The following CCSER1 variants were observed in gnomAD, a reference collection of about 807,000 sequenced individuals.
The protein encoded by CCSER1 is serine-rich coiled-coil domain-containing protein 1.
A neutral mutation model predicts 82.0 loss-of-function variants in CCSER1; 41 were observed. The observed-to-expected ratio is 0.50, with a 90% confidence interval of 0.39 to 0.65. The LOEUF is 0.65. Ranked by LOEUF, CCSER1 falls within the 30% of genes least tolerant of loss-of-function variation. The pLI is 0.00. For synonymous variants in CCSER1, 414 were observed against 383.9 expected (o/e 1.08, Z -0.92); for missense variants, 1,119 against 1,064.2 (o/e 1.05, Z -0.72).
intron 10 of CCSER1, among the ~76,000 whole-genome samples, chr4:91,526,951 C>G (rs1477784656): frequency 1.3e-5 from 1 of 78,954 alleles, no homozygotes; most frequent in East Asian, 4.1e-4. Context: ...TTCAGGAAAA[C>G]TCTCCTTTGA....
chr4:91,198,074 T>A (rs1043265560), intron 10 of CCSER1, among the ~76,000 whole-genome samples: 6 of 152,204 alleles, frequency 3.9e-5, no homozygotes, highest in African/African-American at 1.4e-4. Context: ...GCCATTACTT[T>A]TAAATAAGTT....
chr4:91,107,901 G>A (rs887290943), intron 10 of CCSER1: 1 of 151,970 alleles, frequency 6.6e-6, no homozygotes, highest in Non-Finnish European at 1.5e-5. Flanking sequence ...GATTGAGTGA[G>A]GAAAATAAGA....
intron 1 of CCSER1, among the ~76,000 whole-genome samples, chr4:90,128,863 T>C (rs2153306936): frequency 6.6e-6 from 1 of 152,082 alleles, no homozygotes; most frequent in East Asian, 1.9e-4. Flanking sequence ...TGCCTCAGAA[T>C]TAGAAGCAAT....
At chr4:90,989,929 T>C (rs1051924050) in intron 9 of CCSER1, among the ~76,000 whole-genome samples, 3 of 151,770 alleles carry the variant, frequency 2.0e-5, no homozygotes, top group Admixed American at 1.3e-4. Context: ...TCAGAAATTA[T>C]ATGGTTCTAG....
chr4:91,528,661 A>T (rs150731361), intron 10 of CCSER1, among the ~76,000 whole-genome samples: 32 of 152,308 alleles, frequency 2.1e-4, no homozygotes, highest in African/African-American at 7.0e-4. Context: ...AAGAAACTAA[A>T]ATAATAAACA....
chr4:91,306,994 A>C (rs879390780), intron 10 of CCSER1, among the ~76,000 whole-genome samples: 34 of 151,964 alleles, frequency 2.2e-4, no homozygotes, highest in Non-Finnish European at 3.8e-4. Context: ...AAGAGACTAC[A>C]ATTATTCTTG....
intron 10 of CCSER1, among the ~76,000 whole-genome samples, chr4:91,119,854 A>C (rs1479917926): frequency 6.6e-6 from 1 of 152,054 alleles, no homozygotes; most frequent in Non-Finnish European, 1.5e-5. Flanking sequence ...ATATTTTTTA[A>C]AAGAGAATTC....
chr4:90,285,326 A>T (rs1403904058), intron 1 of CCSER1, among the ~76,000 whole-genome samples: 1 of 151,858 alleles, frequency 6.6e-6, no homozygotes, highest in Non-Finnish European at 1.5e-5. Flanking sequence ...TTCTTTCATC[A>T]ATGTTTTATA....
intron 10 of CCSER1, among the ~76,000 whole-genome samples, chr4:91,195,811 C>T (rs897751018): frequency 1.3e-5 from 2 of 152,090 alleles, no homozygotes; most frequent in Non-Finnish European, 2.9e-5. Flanking sequence ...AGTCTTCAGA[C>T]GCCTTTGTTG....
intron 4 of CCSER1, among the ~76,000 whole-genome samples, chr4:90,426,752 A>G (rs1560501397): frequency 6.6e-6 from 1 of 152,144 alleles, no homozygotes; most frequent in African/African-American, 2.4e-5. Context: ...CTTCACAATT[A>G]TATGACTCTA....
chr4:90,157,480 G>A (rs1728479399), intron 1 of CCSER1, among the ~76,000 whole-genome samples: 1 of 152,132 alleles, frequency 6.6e-6, no homozygotes, highest in African/African-American at 2.4e-5. Flanking sequence ...TTCTAACTTG[G>A]TTCCATTCTC....
chr4:90,684,442 TTG>T (rs1293934503), intron 6 of CCSER1, among the ~76,000 whole-genome samples: 2 of 152,172 alleles, frequency 1.3e-5, no homozygotes, highest in African/African-American at 4.8e-5. Flanking sequence ...TGTTTAAGCC[TTG>T]TGTTTAAGTT....
At chr4:91,478,922 G>A (rs1171009411) in intron 10 of CCSER1, among the ~76,000 whole-genome samples, 1 of 151,642 alleles carries the variant, frequency 6.6e-6, no homozygotes, top group Non-Finnish European at 1.5e-5. Context: ...TATATAAACT[G>A]TTACTAGTAT....
intron 10 of CCSER1, among the ~76,000 whole-genome samples, chr4:91,194,716 G>A (rs556517018): frequency 1.3e-5 from 2 of 151,958 alleles, no homozygotes; most frequent in South Asian, 4.2e-4. Context: ...AAAGAGAGAG[G>A]TTGTTTGCAA....
chr4:91,193,535 T>A (rs1735170849), intron 10 of CCSER1, among the ~76,000 whole-genome samples: 1 of 152,140 alleles, frequency 6.6e-6, no homozygotes, highest in African/African-American at 2.4e-5. Context: ...TTTATAATAA[T>A]AATGGGGGCA....
intron 10 of CCSER1, among the ~76,000 whole-genome samples, chr4:91,382,999 A>T (rs950248317): frequency 6.8e-6 from 1 of 147,480 alleles, no homozygotes; most frequent in African/African-American, 2.5e-5. Context: ...GATCATTATC[A>T]TTTTTTTTTT....
intron 1 of CCSER1, among the ~76,000 whole-genome samples, chr4:90,296,527 T>A (rs865829262): frequency 6.6e-6 from 1 of 152,218 alleles, no homozygotes; most frequent in African/African-American, 2.4e-5. Context: ...TTGGCTTTTG[T>A]TGCCATTGCT....
intron 9 of CCSER1, among the ~76,000 whole-genome samples, chr4:91,038,687 A>G (rs1024541490): frequency 2.6e-5 from 4 of 152,200 alleles, no homozygotes; most frequent in Admixed American, 6.5e-5. Flanking sequence ...GGATTACCTC[A>G]CATAAAGTAA....
intron 1 of CCSER1, among the ~76,000 whole-genome samples, chr4:90,243,848 T>A (rs1325042373): frequency 1.3e-5 from 2 of 152,044 alleles, no homozygotes; most frequent in Non-Finnish European, 2.9e-5. Context: ...TGGGAACCTT[T>A]TTTTTTTTCG....
Sources: gnomAD v4.1 joint callset for allele counts (sites outside exome capture counted in the v4.1 genomes callset) on GRCh38, gnomAD v4.1.1 for gene constraint, MANE v1.5 for transcripts, NCBI Gene and HGNC (gene_info 2026-07-23, HGNC 2026-07-21) for gene names.